AP5Z1: variants seen among roughly 807,000 people sequenced by gnomAD.
AP5Z1 encodes adaptor related protein complex 5 subunit zeta 1.
Under a neutral mutation model 83.0 loss-of-function variants are expected in AP5Z1, and 106 were observed. The observed-to-expected ratio is 1.28, with a 90% confidence interval of 1.09 to 1.50. The LOEUF (loss-of-function observed/expected upper bound fraction) is 1.50, where lower values mean the gene tolerates loss of function less well. Among genes scored for constraint, AP5Z1 ranks in the 40% most tolerant of loss-of-function variants. The pLI is 0.00. For missense variants in AP5Z1, 1,565 were observed against 1,094.2 expected (o/e 1.43, Z -6.07); for synonymous variants, 751 against 514.1 (o/e 1.46, Z -6.23).
chr7:4,777,772 T>C (rs955232052), intron 1 of AP5Z1, among the ~76,000 whole-genome samples: 1 of 152,206 alleles, frequency 6.6e-6, no homozygotes, highest in Non-Finnish European at 1.5e-5. Context: ...GTGGTTGAAT[T>C]TCCCTATGTA....
rs1781772512 is a variant in AP5Z1, at chr7:4,791,511, G to C, written c.*126G>C. On this transcript the variant is annotated 3_prime_UTR_variant, in exon 17 of 17. Coordinates refer to ENST00000649063, the MANE Select transcript of AP5Z1 (RefSeq NM_014855.3). ...GGGAGAGGAGGCAAGGCCCACGGTG[G>C]GCTTGGCACCCTCACAGACACGCGG... The C allele has an allele frequency of 1.5e-6, 2 of 1,379,096 alleles. No homozygotes were observed. The highest frequency in any genetic ancestry group is 1.9e-6 in the Non-Finnish European group (2 of 1,031,262). The allele number at this position is 1,379,096 out of a possible 1,614,324, so 85.4% of individuals were successfully genotyped here.
chr7:4,777,491 A>C (rs1781259347), intron 1 of AP5Z1, among the ~76,000 whole-genome samples: 1 of 152,080 alleles, frequency 6.6e-6, no homozygotes, highest in South Asian at 2.1e-4. Flanking sequence ...GGGTTCAAGC[A>C]ATTCTCCTGC....
intron 12 of AP5Z1, 168 bp downstream of exon 12, chr7:4,788,462 G>T (rs983003876): frequency 1.4e-5 from 12 of 857,082 alleles, no homozygotes; most frequent in Non-Finnish European, 2.0e-5. Context: ...CTGCACCACG[G>T]GTCTGCCGGG....
In AP5Z1 at chr7:4,776,543, C is replaced by T. The variant is rs868046135; in HGVS notation, c.41+787C>T. Among the ~76,000 whole-genome samples, 105 of 141,286 alleles carry T rather than the reference C, an allele frequency of 7.4e-4. 1 individual carries two copies. The highest frequency in any genetic ancestry group is 3.9e-3 in the Middle Eastern group (1 of 256). 92.7% of individuals were successfully genotyped at this position (141,286 alleles called of 152,430 possible). The stretch of plus-strand genomic sequence containing the variant: ...ACCAGCGTGCCCAACATGAGGAAAC[C>T]ACGTCTCTACTGAAAATACAAAAAA... On this transcript the variant is annotated intron_variant, in intron 1 of 16. Transcript: ENST00000649063.
chr7:4,786,424 TTAAGG>T lies in AP5Z1; in HGVS notation c.1310_1311+3del. ...CTCAGATTGAGCTTCCCCAACCTCT[TTAAGG>T]TATATTTGGGCATCCCTGGGTGCCA... On this transcript the variant is annotated splice_donor_variant and coding_sequence_variant, in exon 10 of 17. Transcript: ENST00000649063. LOFTEE classifies it high-confidence loss of function. 2 of 1,613,632 alleles carry T rather than the reference TTAAGG, an allele frequency of 1.2e-6. No homozygotes were observed. The highest frequency in any genetic ancestry group is 1.7e-6 in the Non-Finnish European group (2 of 1,179,814).
In AP5Z1 at chr7:4,784,913, A is replaced by G; in HGVS notation, c.796A>G (p.Arg266Gly). The G allele has an allele frequency of 6.2e-7, 1 of 1,609,606 alleles. No homozygotes were observed. Among genetic ancestry groups the G allele is most frequent in the Non-Finnish European group, 8.5e-7 (1 of 1,177,668 alleles). The change falls in exon 7 of 17, where the codon AGG becomes GGG. Residue 266 changes from arginine to glycine, a missense_variant. Arg to Gly is a moderately radical substitution (Grantham distance 125, BLOSUM62 -2). Coordinates refer to ENST00000649063, the MANE Select transcript of AP5Z1 (RefSeq NM_014855.3). ...EGPGTLDTDD[R>G]SEQEGSTLSV... Reference sequence around the variant, plus strand: ...AGAGTTCCCACCTCCCGCAGATGACAGGTCAGAGCAGGAGGGCTCCACTCT... The same window carrying G: ...AGAGTTCCCACCTCCCGCAGATGACGGGTCAGAGCAGGAGGGCTCCACTCT...
rs567169852 is a variant in AP5Z1 at position 4,783,867 on chromosome 7, T to A, written c.621+69T>A. Reference sequence around the variant, plus strand: ...GACAACCCCTCCCTGAGAGCTCCTGTGCCCACAGCGGCGAGGCCTGCTGTC... The same window carrying A: ...GACAACCCCTCCCTGAGAGCTCCTGAGCCCACAGCGGCGAGGCCTGCTGTC... On this transcript the variant is annotated intron_variant, in intron 5 of 16. Transcript: ENST00000649063. The A allele has an allele frequency of 5.7e-5, 83 of 1,462,036 alleles. 1 individual carries two copies. The South Asian group carries it at 9.2e-4, about 16-fold the overall frequency. 90.6% of individuals were successfully genotyped at this position (1,462,036 alleles called of 1,614,324 possible).
chr7:4,790,260 T>C (rs1410605532), intron 14 of AP5Z1, 199 bp from the exon 15 acceptor site: 2 of 1,543,322 alleles, frequency 1.3e-6, no homozygotes, highest in South Asian at 2.4e-5. Context: ...AGCCTGGGCC[T>C]GAGGCCAGCG....
At chr7:4,781,123 TG>T (rs1781369258) in intron 1 of AP5Z1, 51 bp from the exon 2 acceptor site, 1 of 1,587,444 alleles carries the variant, frequency 6.3e-7, no homozygotes, top group East Asian at 2.2e-5. Flanking sequence ...ATCCTTTTTT[TG>T]GTTCCGAGCA....
intron 1 of AP5Z1, among the ~76,000 whole-genome samples, chr7:4,779,156 C>G (rs1416831070): frequency 7.1e-6 from 1 of 140,044 alleles, no homozygotes; most frequent in East Asian, 2.0e-4. Flanking sequence ...ACATATATAA[C>G]AACTATATAA....
chr7:4,779,219 A>T (rs993684612), intron 1 of AP5Z1, among the ~76,000 whole-genome samples: 7 of 145,540 alleles, frequency 4.8e-5, no homozygotes, highest in African/African-American at 1.7e-4. Context: ...TATTATGTAT[A>T]ACATATATTA....
chr7:4,791,381 GGT>G lies in AP5Z1; in HGVS notation c.2422_2423del (p.Ter808LysfsTer72). 1 of 1,604,708 alleles carries G rather than the reference GGT, an allele frequency of 6.2e-7. No homozygotes were observed. Among genetic ancestry groups the G allele is most frequent in the Non-Finnish European group, 8.5e-7 (1 of 1,176,056 alleles). On this transcript the variant is annotated frameshift_variant and stop_lost, in exon 17 of 17. Transcript: ENST00000649063. LOFTEE classifies it high-confidence loss of function. ...GAGAGGGAGGCCGGCCTCATGCCAGGGTGAAGGGACAGTGGCCAGGGACTTCG... is the reference window on the plus strand; with the variant it reads ...GAGAGGGAGGCCGGCCTCATGCCAGGGAAGGGACAGTGGCCAGGGACTTCG...
intron 14 of AP5Z1, 171 bp from the exon 15 acceptor site, chr7:4,790,288 C>T (rs1480453798): frequency 1.3e-6 from 2 of 1,544,820 alleles, no homozygotes; most frequent in African/African-American, 1.4e-5. Flanking sequence ...CAGCCTTCTC[C>T]CCAGTGAGAA....
intron 1 of AP5Z1, 107 bp from the exon 2 acceptor site, chr7:4,781,068 T>G: frequency 7.0e-7 from 1 of 1,425,604 alleles, no homozygotes; most frequent in Admixed American, 2.3e-5. Flanking sequence ...CTCCACACAC[T>G]CGGCTTCTCT....
Position 4,785,540 on chromosome 7 carries a change from C to T in AP5Z1, c.988C>T (p.Leu330=), listed in dbSNP as rs376680652. 5.6e-6 allele frequency: 9 copies of T among 1,612,714 alleles called. No homozygotes were observed. The Admixed American group carries it at 1.0e-4, about 18-fold the overall frequency. Residue 330 remains leucine, a synonymous_variant, in exon 9 of 17, where the codon CTG becomes TTG. Transcript: ENST00000649063. ...LQKACLVEAV[L]VLDVLCRQDP... ...CCCGCAGTGCCTGGTGGAGGCCGTG[C>T]TGGTGCTGGACGTGCTGTGCCGGCA...
chr7:4,790,987 G>C, intron 16 of AP5Z1, 100 bp downstream of exon 16: 3 of 1,473,552 alleles, frequency 2.0e-6, no homozygotes, highest in Non-Finnish European at 2.7e-6. Context: ...TCGCAGCAGC[G>C]CAGGTCCTGG....
At chr7:4,779,724 T>A (rs1781329446) in intron 1 of AP5Z1, among the ~76,000 whole-genome samples, 1 of 151,956 alleles carries the variant, frequency 6.6e-6, no homozygotes, top group South Asian at 2.1e-4. Flanking sequence ...CACTGCAACC[T>A]CCTCCTCCCG....
chr7:4,789,421 C>T (rs1381466150), intron 13 of AP5Z1, among the ~76,000 whole-genome samples: 1 of 152,212 alleles, frequency 6.6e-6, no homozygotes, highest in African/African-American at 2.4e-5. Context: ...TAAAGGCTCC[C>T]ACAGGCTGGT....
intron 1 of AP5Z1, among the ~76,000 whole-genome samples, chr7:4,777,786 T>C (rs970845605): frequency 2.6e-5 from 4 of 152,176 alleles, no homozygotes; most frequent in Non-Finnish European, 5.9e-5. Context: ...CTATGTAACA[T>C]ACATGAGTTC....
Sources: allele counts gnomAD v4.1 joint callset (sites outside exome capture counted in the v4.1 genomes callset), GRCh38; gene constraint gnomAD v4.1.1; transcripts MANE v1.5; gene names NCBI Gene and HGNC (gene_info 2026-07-23, HGNC 2026-07-21).